TXNRD1: variants seen among roughly 807,000 people sequenced by gnomAD.
The protein encoded by TXNRD1 is thioredoxin reductase 1, cytoplasmic.
Under a neutral mutation model 80.3 loss-of-function variants are expected in TXNRD1, and 57 were observed. The ratio of observed to expected loss-of-function variants is 0.71; its 90% CI spans 0.57 to 0.89. The LOEUF (loss-of-function observed/expected upper bound fraction) is 0.89. Ranked by LOEUF, TXNRD1 falls within the 40% of genes least tolerant of loss-of-function variation. The pLI is 0.00. For missense variants in TXNRD1, 730 were observed against 803.0 expected (o/e 0.91, Z 1.10); for synonymous variants, 291 against 285.2 (o/e 1.02, Z -0.20).
At chr12:104,312,224 G>T (rs1299939992) in intron 5 of TXNRD1, among the ~76,000 whole-genome samples, 1 of 152,096 alleles carries the variant, frequency 6.6e-6, no homozygotes, top group Non-Finnish European at 1.5e-5. Flanking sequence ...TTTTGTATAT[G>T]TGAGGTTATC....
intron 4 of TXNRD1, chr12:104,310,007 T>C (rs2035074206): frequency 6.5e-7 from 1 of 1,536,202 alleles, no homozygotes; most frequent in Non-Finnish European, 8.7e-7. Flanking sequence ...CCCTTCCACA[T>C]CCCAAGAACC....
chr12:104,239,141 T>G (rs947748858), intron 1 of TXNRD1, among the ~76,000 whole-genome samples: 1 of 151,832 alleles, frequency 6.6e-6, no homozygotes, highest in African/African-American at 2.4e-5. Context: ...TGTTAGACGT[T>G]TGGGAGAATT....
intron 4 of TXNRD1, among the ~76,000 whole-genome samples, chr12:104,298,126 T>C (rs1362844853): frequency 6.6e-6 from 1 of 152,256 alleles, no homozygotes; most frequent in Non-Finnish European, 1.5e-5. Flanking sequence ...TGCCATCTTA[T>C]TTGAATAAAG....
At chr12:104,265,296 C>T (rs1391366193) in intron 3 of TXNRD1, 2 of 1,591,178 alleles carry the variant, frequency 1.3e-6, no homozygotes, top group Admixed American at 3.5e-5. Flanking sequence ...GCGGCGAACG[C>T]GGAGAGCACG....
intron 2 of TXNRD1, among the ~76,000 whole-genome samples, chr12:104,252,253 G>A (rs1031251991): frequency 2.0e-5 from 3 of 151,882 alleles, no homozygotes; most frequent in Non-Finnish European, 4.4e-5. Flanking sequence ...GTTGATTTGC[G>A]GCCCTTTCAG....
At chr12:104,236,787 CAAAAAAAAA>C (rs35066909) in intron 1 of TXNRD1, among the ~76,000 whole-genome samples, 1 of 112,914 alleles carries the variant, frequency 8.9e-6, no homozygotes, top group Non-Finnish European at 1.8e-5. Flanking sequence ...AAAACTGTCT[CAAAAAAAAA>C]AAAAAAAAAA....
At chr12:104,294,354 C>G (rs1050472347) in intron 4 of TXNRD1, among the ~76,000 whole-genome samples, 13 of 151,810 alleles carry the variant, frequency 8.6e-5, no homozygotes, top group Non-Finnish European at 1.3e-4. Flanking sequence ...ATGCTGGCAT[C>G]ACCGCTAGAC....
At chr12:104,288,291 T>C (rs1337953140) in intron 3 of TXNRD1, among the ~76,000 whole-genome samples, 1 of 152,268 alleles carries the variant, frequency 6.6e-6, no homozygotes, top group Non-Finnish European at 1.5e-5. Flanking sequence ...GATTTATGTC[T>C]AATGAATAGG....
intron 13 of TXNRD1, among the ~76,000 whole-genome samples, chr12:104,329,255 A>G (rs1593855421): frequency 6.6e-6 from 1 of 152,026 alleles, no homozygotes; most frequent in Non-Finnish European, 1.5e-5. Context: ...TGGTACCTCA[A>G]TATAGCTTGA....
intron 15 of TXNRD1, among the ~76,000 whole-genome samples, chr12:104,337,352 A>C (rs2036173141): frequency 6.6e-6 from 1 of 151,944 alleles, no homozygotes; most frequent in Non-Finnish European, 1.5e-5. Context: ...TCTGCACCCC[A>C]CAGCCTGAGT....
rs2135847891 is a variant in TXNRD1, at chr12:104,325,825, T to C, written c.1308+396T>C. Among the ~76,000 whole-genome samples the C allele has an allele frequency of 2.0e-5, 3 of 150,844 alleles. 1 individual carries two copies. Among genetic ancestry groups the C allele is most frequent in the South Asian group, 4.2e-4 (2 of 4,792 alleles). On this transcript the variant is annotated intron_variant, in intron 11 of 16. Coordinates refer to ENST00000525566, the MANE Select transcript of TXNRD1 (RefSeq NM_001093771.3). ...AGACCTAGGTTGCAGTGAGCCGAGA[T>C]TGTGCCACTGCACTCCAGCCTGGGT...
chr12:104,290,417 T>C (rs574104777), intron 4 of TXNRD1, among the ~76,000 whole-genome samples: 5 of 151,794 alleles, frequency 3.3e-5, no homozygotes, highest in African/African-American at 1.2e-4. Flanking sequence ...CCTGGCCGGG[T>C]GCGGTGGCTC....
rs1275537547 is a variant in TXNRD1 at position 104,315,901 on chromosome 12, GA to G, written c.730+6del. The G allele has an allele frequency of 6.2e-7, 1 of 1,608,590 alleles. No homozygotes were observed. Reference sequence around the variant, plus strand: ...GATGGAAAGTCGAGGAGACAGGTATGAGAGGGAAAAGCTACTCTTCTGTTTG... The same window carrying G: ...GATGGAAAGTCGAGGAGACAGGTATGGAGGGAAAAGCTACTCTTCTGTTTG... On this transcript the variant is annotated splice_donor_region_variant and intron_variant, in intron 7 of 16. Transcript: ENST00000525566.
chr12:104,251,392 C>A, intron 1 of TXNRD1, 135 bp from the exon 2 acceptor site: 1 of 827,450 alleles, frequency 1.2e-6, no homozygotes, highest in Non-Finnish European at 1.9e-6. Context: ...TCATTAGAGT[C>A]CTTCCTTCCT....
chr12:104,267,267 C>CTTTCTTTCTTTCTTTCTTTCTT (rs2033522542), intron 3 of TXNRD1, among the ~76,000 whole-genome samples: 1 of 138,446 alleles, frequency 7.2e-6, no homozygotes, highest in Non-Finnish European at 1.5e-5. Flanking sequence ...TTCTTTCTTT[C>CTTTCTTTCTTTCTTTCTTTCTT]TTTCTTTCTT....
At position 104,349,311 on chromosome 12, in the gene TXNRD1, GTT is replaced by G. The variant is rs1051452713; in HGVS notation, c.*894_*895del. The G allele has an allele frequency of 6.6e-6, 1 of 152,186 alleles. No individual in the cohort carries two copies. The highest frequency in any genetic ancestry group is 1.5e-5 in the Non-Finnish European group (1 of 68,014). 9.4% of individuals were successfully genotyped at this position (152,186 alleles called of 1,614,324 possible). On this transcript the variant is annotated 3_prime_UTR_variant, in exon 17 of 17. Coordinates refer to ENST00000525566, the MANE Select transcript of TXNRD1 (RefSeq NM_001093771.3). Reference sequence around the variant, plus strand: ...TGGAAAACACGTAACTTGTTTAAAAGTTTTTCTGGTAGCTTTAGCTTTATGCT... The same window carrying G: ...TGGAAAACACGTAACTTGTTTAAAAGTTTCTGGTAGCTTTAGCTTTATGCT...
At chr12:104,217,347 G>A (rs755322188) in intron 1 of TXNRD1, among the ~76,000 whole-genome samples, 2 of 132,386 alleles carry the variant, frequency 1.5e-5, no homozygotes, top group Admixed American at 8.3e-5. Flanking sequence ...TTTCGCTCTC[G>A]TTGCCCAGGC....
intron 3 of TXNRD1, chr12:104,286,697 G>A (rs1351567965): frequency 2.0e-6 from 2 of 993,900 alleles, no homozygotes; most frequent in Non-Finnish European, 2.4e-6. Context: ...CTCACGTGAT[G>A]ACAACAGCTA....
intron 12 of TXNRD1, 57 bp from the exon 13 acceptor site, chr12:104,327,458 G>A (rs945277605): frequency 4.6e-6 from 7 of 1,530,896 alleles, no homozygotes; most frequent in African/African-American, 4.1e-5. Flanking sequence ...GGAAGATTTT[G>A]TTCTCCTTAA....
Sources: gnomAD v4.1 joint callset for allele counts (sites outside exome capture counted in the v4.1 genomes callset) on GRCh38, gnomAD v4.1.1 for gene constraint, MANE v1.5 for transcripts, NCBI Gene and HGNC (gene_info 2026-07-23, HGNC 2026-07-21) for gene names.